The following AK3 variants were observed in gnomAD, a reference collection of about 807,000 sequenced individuals.
AK3 encodes GTP:AMP phosphotransferase AK3, mitochondrial.
AK3 carries 27 observed loss-of-function variants against 23.7 expected under a neutral mutation model. That is an observed-to-expected ratio of 1.14 (90% CI 0.84 to 1.57). The LOEUF (loss-of-function observed/expected upper bound fraction) is 1.57. Ranked by LOEUF, AK3 falls within the 40% of genes most tolerant of loss-of-function variation. AK3 has a pLI of 0.00. For missense variants in AK3, 406 were observed against 285.6 expected, an observed-to-expected ratio of 1.42 and a Z score of -3.04; for synonymous variants, 159 against 116.0, an observed-to-expected ratio of 1.37 and a Z score of -2.38.
intron 1 of AK3, among the ~76,000 whole-genome samples, chr9:4,726,277 A>G (rs1208482933): frequency 2.0e-5 from 3 of 152,204 alleles, no homozygotes; most frequent in Non-Finnish European, 4.4e-5. Flanking sequence ...TGTCTCATCA[A>G]CTGACTCTTC....
At chr9:4,728,978 CATATATAT>C (rs1251640576) in intron 1 of AK3, among the ~76,000 whole-genome samples, 36,530 of 130,632 alleles carry the variant, frequency 0.28, 6,123 homozygotes, top group Non-Finnish European at 0.37. Context: ...TATATACCTA[CATATATAT>C]ACACACACAC....
chr9:4,739,316 G>C (rs561959583), intron 1 of AK3, among the ~76,000 whole-genome samples: 2 of 151,228 alleles, frequency 1.3e-5, no homozygotes, highest in Non-Finnish European at 2.9e-5. Flanking sequence ...TCAGCCTCCC[G>C]AGTAGCTAGG....
intron 1 of AK3, 35 bp downstream of exon 1, chr9:4,740,902 C>T (rs1842413940): frequency 3.4e-6 from 5 of 1,476,352 alleles, no homozygotes; most frequent in African/African-American, 1.4e-5. Context: ...ACCCGGGTGA[C>T]AGCGCACGGC....
intron 4 of AK3, among the ~76,000 whole-genome samples, chr9:4,713,982 A>G (rs62544260): frequency 0.13 from 700 of 5,284 alleles, 52 homozygotes; most frequent in Admixed American, 0.17. Context: ...ACATTTACAC[A>G]CCTACACATA....
At position 4,728,898 on chromosome 9, in the gene AK3, C is replaced by T. The variant is rs1842083261; in HGVS notation, c.152-6273G>A. Among the ~76,000 whole-genome samples the T allele has an allele frequency of 1.5e-5, 2 of 135,804 alleles. 1 individual carries two copies. Among genetic ancestry groups the T allele is most frequent in the East Asian group, 4.2e-4 (2 of 4,736 alleles). 89.1% of individuals were successfully genotyped at this position (135,804 alleles called of 152,430 possible). ...ACACACACACATACATATATATACA[C>T]ATACTTATATATATACATACATATA... On this transcript the variant is annotated intron_variant, in intron 1 of 4. Transcript: ENST00000381809.
At position 4,712,607 on chromosome 9, in the gene AK3, GA is replaced by G. The variant is rs1170159785; in HGVS notation, c.*368del. The G allele has an allele frequency of 1.9e-5, 3 of 154,410 alleles. No homozygotes were observed. The highest frequency in any genetic ancestry group is 7.2e-5 in the African/African-American group (3 of 41,476). The allele number at this position is 154,410 out of a possible 1,614,324, so 9.6% of individuals were successfully genotyped here. A position where few individuals can be genotyped will look rare whatever the true frequency, so the allele number is the denominator to read the frequency against. On this transcript the variant is annotated 3_prime_UTR_variant, in exon 5 of 5. Transcript: ENST00000381809. ...TTCTGATTACGTATTTTCTCCAAAT[GA>G]CATGTAACTTTTTTTAACTTTTCCA...
intron 4 of AK3, among the ~76,000 whole-genome samples, chr9:4,716,632 A>G (rs1321263719): frequency 6.6e-6 from 1 of 152,192 alleles, no homozygotes; most frequent in Non-Finnish European, 1.5e-5. Flanking sequence ...TCCAGAAAAA[A>G]TTAAGATGGT....
intron 1 of AK3, among the ~76,000 whole-genome samples, chr9:4,740,021 T>A (rs1449146565): frequency 6.6e-6 from 1 of 151,196 alleles, no homozygotes; most frequent in African/African-American, 2.4e-5. Context: ...AGGGCGTTGT[T>A]TTTTATGCTA....
intron 1 of AK3, among the ~76,000 whole-genome samples, chr9:4,722,866 G>A (rs1212454090): frequency 1.3e-5 from 2 of 152,098 alleles, no homozygotes; most frequent in African/African-American, 2.4e-5. Flanking sequence ...AGACTAGCCC[G>A]GCCAACATGG....
chr9:4,728,850 T>TAC (rs772699346), intron 1 of AK3, among the ~76,000 whole-genome samples: 6,987 of 22,982 alleles, frequency 0.3, 206 homozygotes, highest in Non-Finnish European at 0.46. Flanking sequence ...TATATATATA[T>TAC]ATATATATAT....
Position 4,712,088 on chromosome 9 carries a change from C to T in AK3, c.*888G>A, listed in dbSNP as rs552067374. The T allele has an allele frequency of 3.6e-4, 55 of 152,032 alleles. No homozygotes were observed. Among genetic ancestry groups the T allele is most frequent in the African/African-American group, 1.3e-3 (55 of 41,462 alleles). The allele number at this position is 152,032 out of a possible 1,614,324, so 9.4% of individuals were successfully genotyped here. ...TTTTTTATTGGCGGGGGAGATGGTA[C>T]TATAACTTGTTATTTATCAGGGCAG... On this transcript the variant is annotated 3_prime_UTR_variant, in exon 5 of 5. Coordinates refer to ENST00000381809, the MANE Select transcript of AK3 (RefSeq NM_016282.4).
intron 1 of AK3, among the ~76,000 whole-genome samples, chr9:4,725,004 G>A (rs183977552): frequency 1.3e-5 from 2 of 149,078 alleles, no homozygotes; most frequent in East Asian, 2.0e-4. Context: ...AAATGTAAGT[G>A]CTAAAGCTAC....
intron 1 of AK3, among the ~76,000 whole-genome samples, chr9:4,737,138 T>G (rs1412093604): frequency 6.7e-6 from 1 of 150,342 alleles, no homozygotes; most frequent in Non-Finnish European, 1.5e-5. Flanking sequence ...TACTATATAG[T>G]TCTTTACTAT....
At chr9:4,728,866 T>TATATATATATATATACACAC (rs1395790351) in intron 1 of AK3, among the ~76,000 whole-genome samples, 8 of 87,898 alleles carry the variant, frequency 9.1e-5, no homozygotes, top group Admixed American at 3.8e-4. Flanking sequence ...TATATATATA[T>TATATATATATATATACACAC]ACACACACAC....
intron 1 of AK3, among the ~76,000 whole-genome samples, chr9:4,734,206 T>C (rs970040298): frequency 4.6e-5 from 7 of 152,158 alleles, no homozygotes; most frequent in East Asian, 3.9e-4. Context: ...GGAAAGGCCA[T>C]GTGAGAACAA....
chr9:4,711,828 C>T lies in AK3; in HGVS notation c.*1148G>A, dbSNP rs527504797. ...CCTTAAAATATGGTGGCAGTGAATG[C>T]TAACAGGTATCAATTTCTTTGATCA... On this transcript the variant is annotated 3_prime_UTR_variant, in exon 5 of 5. Coordinates refer to ENST00000381809, the MANE Select transcript of AK3 (RefSeq NM_016282.4). The T allele has an allele frequency of 1.3e-5, 2 of 152,308 alleles. No individual in the cohort carries two copies. The highest frequency in any genetic ancestry group is 2.4e-5 in the African/African-American group (1 of 41,562). The allele number at this position is 152,308 out of a possible 1,614,324, so 9.4% of individuals were successfully genotyped here.
chr9:4,719,355 TGGGGTG>T, intron 2 of AK3, 48 bp from the exon 3 acceptor site: 1 of 65,690 alleles, frequency 1.5e-5, no homozygotes, highest in Non-Finnish European at 3.6e-5. Context: ...AAAGGAAGTA[TGGGGTG>T]GGGGTGGGGC....
At chr9:4,719,034 G>A (rs892371683) in intron 3 of AK3, 101 bp downstream of exon 3, 3 of 1,298,920 alleles carry the variant, frequency 2.3e-6, no homozygotes, top group East Asian at 2.4e-5. Flanking sequence ...ACCCTCAGGA[G>A]TTTTGGTCAG....
intron 1 of AK3, among the ~76,000 whole-genome samples, chr9:4,740,649 G>C (rs1214707000): frequency 6.6e-6 from 1 of 152,126 alleles, no homozygotes; most frequent in East Asian, 1.9e-4. Context: ...GGGAGGACTT[G>C]GGCCTCTGAA....
Sources: allele counts gnomAD v4.1 joint callset (sites outside exome capture counted in the v4.1 genomes callset), GRCh38; gene constraint gnomAD v4.1.1; transcripts MANE v1.5; gene names NCBI Gene and HGNC (gene_info 2026-07-23, HGNC 2026-07-21).